CSMD3: variants seen among roughly 807,000 people sequenced by gnomAD.
CSMD3 encodes CUB and Sushi multiple domains 3.
Under a neutral mutation model 435.2 loss-of-function variants are expected in CSMD3, and 177 were observed. The ratio of observed to expected loss-of-function variants is 0.41; its 90% confidence interval spans 0.36 to 0.46. CSMD3 has a LOEUF of 0.46. Among genes scored for constraint, CSMD3 ranks in the 20% least tolerant of loss-of-function variants. The pLI, the probability that CSMD3 is intolerant of heterozygous loss-of-function variation, is 0.34. For synonymous variants in CSMD3, 1,656 were observed against 1,520.5 expected (o/e 1.09, Z -2.07); for missense variants, 4,265 against 4,504.6 (o/e 0.95, Z 1.52).
chr8:112,973,079 G>A (rs866502970), intron 7 of CSMD3, among the ~76,000 whole-genome samples: 2 of 151,884 alleles, frequency 1.3e-5, no homozygotes, highest in African/African-American at 4.8e-5. Context: ...AGTTACATGC[G>A]ATGAATTTGG....
intron 1 of CSMD3, among the ~76,000 whole-genome samples, chr8:113,435,811 G>C (rs568994168): frequency 2.6e-5 from 4 of 152,156 alleles, no homozygotes; most frequent in Non-Finnish European, 5.9e-5. Context: ...TTGTGGAAGA[G>C]AGCTATGGAT....
At chr8:112,323,165 A>AAACAAACG (rs932944035) in intron 45 of CSMD3, among the ~76,000 whole-genome samples, 3 of 151,942 alleles carry the variant, frequency 2.0e-5, no homozygotes, top group African/African-American at 7.2e-5. Flanking sequence ...ACAAACAAAC[A>AAACAAACG]AACAAACAAA....
Position 112,859,199 on chromosome 8 carries a change from C to A in CSMD3, c.1701G>T (p.Gln567His). Residue 567 changes from glutamine to histidine, a missense_variant, in exon 11 of 71, where the codon CAG becomes CAT. Transcript: ENST00000297405. The stretch of plus-strand genomic sequence containing the variant: ...AGACACATTGTGCATTGCTGTCATA[C>A]TGGAACGGAAAGTTGGGAGATGTAA... ...GTFTSPNFPF[Q>H]YDSNAQCVWV... is the part of the protein sequence containing the mutation. 1.2e-6 allele frequency: 2 copies of A among 1,611,156 alleles called. No individual in the cohort carries two copies. The highest frequency in any genetic ancestry group is 1.7e-6 in the Non-Finnish European group (2 of 1,177,714).
intron 45 of CSMD3, among the ~76,000 whole-genome samples, chr8:112,327,051 T>A (rs56313749): frequency 0.04 from 6,055 of 152,044 alleles, 398 homozygotes; most frequent in African/African-American, 0.14. Context: ...AATAAATAAA[T>A]AAATTGGATA....
chr8:112,378,266 A>C (rs192459540), intron 38 of CSMD3, among the ~76,000 whole-genome samples: 1 of 152,108 alleles, frequency 6.6e-6, no homozygotes, highest in African/African-American at 2.4e-5. Context: ...TCATTAAAAA[A>C]AAGAAAAAAA....
intron 31 of CSMD3, among the ~76,000 whole-genome samples, chr8:112,482,158 T>C (rs1157560681): frequency 1.3e-5 from 2 of 152,172 alleles, no homozygotes; most frequent in Non-Finnish European, 2.9e-5. Flanking sequence ...TAGGAAGCCA[T>C]CACCTTCATC....
chr8:112,620,591 G>C (rs1350987646), intron 22 of CSMD3, among the ~76,000 whole-genome samples: 1 of 152,078 alleles, frequency 6.6e-6, no homozygotes, highest in African/African-American at 2.4e-5. Flanking sequence ...ACCAGTTCCT[G>C]TTTTCAGGGC....
At chr8:113,316,611 G>A (rs139238683) in intron 1 of CSMD3, among the ~76,000 whole-genome samples, 6 of 151,106 alleles carry the variant, frequency 4.0e-5, no homozygotes, top group Non-Finnish European at 7.4e-5. Context: ...GTGTAGTGGC[G>A]TGATCTCGGC....
intron 3 of CSMD3, among the ~76,000 whole-genome samples, chr8:113,209,679 G>C (rs2092809926): frequency 6.6e-6 from 1 of 152,070 alleles, no homozygotes; most frequent in Non-Finnish European, 1.5e-5. Context: ...CTTCCTTATT[G>C]ATGAAGCAGA....
intron 12 of CSMD3, among the ~76,000 whole-genome samples, chr8:112,810,927 G>C (rs1265541959): frequency 1.3e-5 from 2 of 151,950 alleles, no homozygotes; most frequent in African/African-American, 4.8e-5. Context: ...GAAAGTATAA[G>C]CAATGTAGAT....
chr8:112,636,018 C>G (rs1328421387), intron 22 of CSMD3, among the ~76,000 whole-genome samples: 1 of 151,964 alleles, frequency 6.6e-6, no homozygotes, highest in African/African-American at 2.4e-5. Flanking sequence ...ATAAAATGGC[C>G]ATTTGAATCT....
At position 113,034,630 on chromosome 8, in the gene CSMD3, T is replaced by G. The variant is rs187342910; in HGVS notation, c.918-15451A>C. ...ATTAGTAGAGAGTGTTTCAGAACACTGAATATAATAAATACCCTTTGACTT... is the reference window on the plus strand; with the variant it reads ...ATTAGTAGAGAGTGTTTCAGAACACGGAATATAATAAATACCCTTTGACTT... On this transcript the variant is annotated intron_variant, in intron 5 of 70. Transcript: ENST00000297405. 2.0e-5 allele frequency among the ~76,000 whole-genome samples: 3 copies of G among 152,260 alleles called. No individual in the cohort carries two copies. The East Asian group carries it at 5.8e-4, about 29-fold the overall frequency.
At chr8:112,234,641 T>C (rs548073278) in intron 67 of CSMD3, among the ~76,000 whole-genome samples, 164 bp from the exon 68 acceptor site, 1 of 152,338 alleles carries the variant, frequency 6.6e-6, no homozygotes, top group African/African-American at 2.4e-5. Context: ...TCTTTGCAAA[T>C]CCTGTAATAT....
At chr8:112,768,712 GACAAAACAAA>G (rs1054526945) in intron 13 of CSMD3, among the ~76,000 whole-genome samples, 2 of 151,778 alleles carry the variant, frequency 1.3e-5, no homozygotes, top group Admixed American at 6.6e-5. Flanking sequence ...TCATACAAAA[GACAAAACAAA>G]ACAAAACAAA....
chr8:112,617,877 A>G (rs1234773002), intron 22 of CSMD3, among the ~76,000 whole-genome samples: 1 of 152,122 alleles, frequency 6.6e-6, no homozygotes, highest in East Asian at 1.9e-4. Context: ...ACTTCAATTT[A>G]CATACAAAGA....
chr8:112,594,849 C>T (rs1167629684), intron 22 of CSMD3, among the ~76,000 whole-genome samples: 1 of 151,838 alleles, frequency 6.6e-6, no homozygotes, highest in Admixed American at 6.6e-5. Context: ...GACATCCACA[C>T]CAAAAACCCA....
intron 38 of CSMD3, among the ~76,000 whole-genome samples, chr8:112,368,566 T>A (rs1305302513): frequency 6.6e-6 from 1 of 152,200 alleles, no homozygotes; most frequent in Non-Finnish European, 1.5e-5. Context: ...GGCTAGATGT[T>A]ACACAAATTT....
Position 113,234,547 on chromosome 8 carries a change from C to T in CSMD3, c.514+44045G>A, listed in dbSNP as rs7008565. On this transcript the variant is annotated intron_variant, in intron 3 of 70. Coordinates refer to ENST00000297405, the MANE Select transcript of CSMD3 (RefSeq NM_198123.2). ...GCAGAGCAAGATGTATTCATGATTACATAGCTTCTACTAGAACACAAGGAA... is the reference window on the plus strand; with the variant it reads ...GCAGAGCAAGATGTATTCATGATTATATAGCTTCTACTAGAACACAAGGAA... Among the ~76,000 whole-genome samples, 761 of 152,272 alleles carry T rather than the reference C, an allele frequency of 5.0e-3. 3 individuals are homozygous for T. Among genetic ancestry groups the T allele is most frequent in the African/African-American group, 0.011 (442 of 41,562 alleles).
intron 31 of CSMD3, among the ~76,000 whole-genome samples, chr8:112,479,208 T>C (rs553508663): frequency 1.3e-5 from 2 of 152,186 alleles, no homozygotes; most frequent in East Asian, 1.9e-4. Context: ...TTTCAAAGTG[T>C]TGGAGAAGAA....
Sources: allele counts gnomAD v4.1 joint callset (sites outside exome capture counted in the v4.1 genomes callset), GRCh38; gene constraint gnomAD v4.1.1; transcripts MANE v1.5; gene names NCBI Gene and HGNC (gene_info 2026-07-23, HGNC 2026-07-21).